Variants in ZMYM2 observed in about 807,000 individuals in gnomAD.
ZMYM2 encodes the protein zinc finger MYM-type protein 2.
Under a neutral mutation model 162.8 loss-of-function variants are expected in ZMYM2, and 56 were observed. The observed-to-expected ratio is 0.34, with a 90% CI of 0.28 to 0.43. The LOEUF (loss-of-function observed/expected upper bound fraction) is 0.43, where lower values mean the gene tolerates loss of function less well. Ranked by LOEUF, ZMYM2 falls within the 20% of genes least tolerant of loss-of-function variation. ZMYM2 has a pLI of 1.00. For synonymous variants in ZMYM2, 510 were observed against 541.6 expected, an observed-to-expected ratio of 0.94 and a Z score of 0.81; for missense variants, 1,275 against 1,621.8, an observed-to-expected ratio of 0.79 and a Z score of 3.67.
At chr13:19,953,874 T>C (rs534219027), upstream of ZMYM2, among the ~76,000 whole-genome samples, 6 of 151,834 alleles carry the variant, frequency 4.0e-5, no homozygotes, top group Admixed American at 1.3e-4. Flanking sequence ...GCAACTATTA[T>C]TTATTTATTT....
chr13:20,002,982 T>C lies in ZMYM2; in HGVS notation c.980T>C (p.Val327Ala), dbSNP rs780920594. ...GTCCAACAGCAGCCTACTAAACCAG[T>C]TAAAGTCACTTGTGCAAACTGCAAA... The part of the protein sequence containing the change: ...PSVQQQPTKP[V>A]KVTCANCKKP... The change falls in exon 4 of 25, where the codon GTT (valine) becomes GCT (alanine). Residue 327 changes from valine (V) to alanine (A), a missense_variant. Coordinates refer to ENST00000610343, the MANE Select transcript of ZMYM2 (RefSeq NM_197968.4). 3 of 1,614,130 alleles carry C rather than the reference T, an allele frequency of 1.9e-6. No individual in the cohort carries two copies. The East Asian group carries it at 6.7e-5, about 36-fold the overall frequency.
intron 8 of ZMYM2, 112 bp downstream of exon 8, chr13:20,026,874 T>C: frequency 1.7e-6 from 2 of 1,162,596 alleles, no homozygotes; most frequent in Admixed American, 3.4e-5. Flanking sequence ...TATTTTATAT[T>C]AATCTTTTTG....
At chr13:19,965,407 A>G in intron 2 of ZMYM2, 1 of 457,744 alleles carries the variant, frequency 2.2e-6, no homozygotes, top group Non-Finnish European at 3.6e-6. Flanking sequence ...TAGGAAGAAT[A>G]GTGTTTCTTG....
the ZMYM2 span, among the ~76,000 whole-genome samples, chr13:19,893,273 A>G: frequency 6.6e-6 from 1 of 150,998 alleles, no homozygotes; most frequent in East Asian, 2.0e-4. Context: ...GATAGCTTGT[A>G]TCAGTAGACT....
At chr13:19,982,154 TC>T (rs1957389589) in intron 2 of ZMYM2, among the ~76,000 whole-genome samples, 1 of 152,200 alleles carries the variant, frequency 6.6e-6, no homozygotes, top group South Asian at 2.1e-4. Flanking sequence ...GTGCCTTAAA[TC>T]TTCCTGTCCA....
At chr13:20,027,612 T>C (rs961899830) in intron 9 of ZMYM2, among the ~76,000 whole-genome samples, 1 of 152,088 alleles carries the variant, frequency 6.6e-6, no homozygotes, top group African/African-American at 2.4e-5. Flanking sequence ...TTGAATAAAA[T>C]GTGAACCGTA....
At chr13:20,024,704 A>C (rs535028375) in intron 7 of ZMYM2, 8 of 221,926 alleles carry the variant, frequency 3.6e-5, no homozygotes, top group East Asian at 3.4e-4. Context: ...AACAAACAAA[A>C]AAAAAAGCAG....
At chr13:19,985,608 C>T (rs185750687) in intron 2 of ZMYM2, among the ~76,000 whole-genome samples, 5 of 151,762 alleles carry the variant, frequency 3.3e-5, no homozygotes, top group Admixed American at 3.3e-4. Flanking sequence ...GAGGCTGAGG[C>T]AGAGAATTGC....
At chr13:19,932,384 A>C in the ZMYM2 span, among the ~76,000 whole-genome samples, 1 of 152,154 alleles carries the variant, frequency 6.6e-6, no homozygotes, top group Non-Finnish European at 1.5e-5. Context: ...ATGGTGGCTC[A>C]TGCCTGTAAT....
At chr13:20,000,322 G>A (rs907794042) in intron 3 of ZMYM2, among the ~76,000 whole-genome samples, 14 of 152,206 alleles carry the variant, frequency 9.2e-5, no homozygotes, top group African/African-American at 3.4e-4. Flanking sequence ...TAACATAAAC[G>A]TGCAAGGTGA....
chr13:19,929,312 C>T, the ZMYM2 span, among the ~76,000 whole-genome samples: 1 of 151,928 alleles, frequency 6.6e-6, no homozygotes, highest in African/African-American at 2.4e-5. Context: ...AATCTCGGCT[C>T]ACTGCAAACT....
chr13:19,970,381 A>C (rs1249265537), intron 2 of ZMYM2, among the ~76,000 whole-genome samples: 1 of 152,330 alleles, frequency 6.6e-6, no homozygotes, highest in East Asian at 1.9e-4. Context: ...TACTAACTGT[A>C]ATTACGCAGA....
the ZMYM2 span, among the ~76,000 whole-genome samples, chr13:19,925,293 G>C: frequency 6.6e-6 from 1 of 152,144 alleles, no homozygotes; most frequent in Admixed American, 6.6e-5. Flanking sequence ...TTTGGTTAAA[G>C]GACTTCTTTT....
At chr13:19,977,045 A>T (rs548827969) in intron 2 of ZMYM2, among the ~76,000 whole-genome samples, 2 of 152,244 alleles carry the variant, frequency 1.3e-5, no homozygotes, top group South Asian at 4.1e-4. Context: ...GTCTCTTATA[A>T]CCTTTTTTGA....
chr13:19,902,165 T>C, the ZMYM2 span, among the ~76,000 whole-genome samples: 6 of 152,158 alleles, frequency 3.9e-5, no homozygotes, highest in African/African-American at 1.2e-4. Flanking sequence ...ACTCCATGAC[T>C]CCACCTATCC....
At chr13:19,949,605 T>G in the ZMYM2 span, among the ~76,000 whole-genome samples, 1 of 150,020 alleles carries the variant, frequency 6.7e-6, no homozygotes, top group Admixed American at 6.6e-5. Context: ...AAAGAAAAAA[T>G]AGGCTGGGCG....
rs1956347761 is a variant in ZMYM2 at position 20,063,050 on chromosome 13, G to C, written c.3037+79G>C. On this transcript the variant is annotated intron_variant, in intron 18 of 24. Transcript: ENST00000610343. Reference sequence around the variant, plus strand: ...TGATCATTTACCATTTGATGTTTGTGTCATTGCCTTTTAGCAGTGTTCATA... The same window carrying C: ...TGATCATTTACCATTTGATGTTTGTCTCATTGCCTTTTAGCAGTGTTCATA... 1.2e-5 allele frequency: 17 copies of C among 1,432,840 alleles called. No homozygotes were observed. The South Asian group carries it at 2.4e-4, about 20-fold the overall frequency. The allele number at this position is 1,432,840 out of a possible 1,614,324, so 88.8% of individuals were successfully genotyped here.
intron 21 of ZMYM2, among the ~76,000 whole-genome samples, chr13:20,080,194 A>C (rs1446542979): frequency 2.0e-5 from 3 of 152,182 alleles, no homozygotes; most frequent in Non-Finnish European, 4.4e-5. Flanking sequence ...TAGCATTGTC[A>C]CTTTCTTGAT....
At chr13:20,062,771 C>T in intron 17 of ZMYM2, 75 bp from the exon 18 acceptor site, 2 of 1,371,344 alleles carry the variant, frequency 1.5e-6, no homozygotes, top group Non-Finnish European at 9.6e-7. Flanking sequence ...AAATGACTTG[C>T]TTTTGCCAGA....
Sources: allele counts gnomAD v4.1 joint callset (sites outside exome capture counted in the v4.1 genomes callset), GRCh38; gene constraint gnomAD v4.1.1; transcripts MANE v1.5; gene names NCBI Gene and HGNC (gene_info 2026-07-23, HGNC 2026-07-21).